IFI27: variants seen among roughly 807,000 people sequenced by gnomAD.
IFI27 encodes interferon alpha inducible protein 27.
A neutral mutation model predicts 8.9 loss-of-function variants in IFI27; 3 were observed. The observed-to-expected ratio is 0.34, with a 90% CI of 0.15 to 0.87. The LOEUF (loss-of-function observed/expected upper bound fraction) is 0.87. IFI27 is among the 40% of genes least tolerant of loss of function. IFI27 has a pLI of 0.51. For missense variants in IFI27, 152 were observed against 157.7 expected (o/e 0.96, Z 0.19); for synonymous variants, 66 against 67.3 (o/e 0.98, Z 0.09).
At chr14:94,109,404 G>GGGCAAGGGAAAGGAAA (rs1555440639), upstream of IFI27, among the ~76,000 whole-genome samples, 4 of 146,154 alleles carry the variant, frequency 2.7e-5, no homozygotes, top group Non-Finnish European at 4.5e-5. Flanking sequence ...GCAAGGGCAA[G>GGGCAAGGGAAAGGAAA]GGAAAGGAAA....
upstream of IFI27, among the ~76,000 whole-genome samples, chr14:94,106,308 T>C (rs1887014219): frequency 6.6e-6 from 1 of 152,260 alleles, no homozygotes; most frequent in Non-Finnish European, 1.5e-5. Flanking sequence ...CATAGCACCC[T>C]GCTTTCAATT....
intron 2 of IFI27, chr14:94,113,307 GC>G (rs1349420087): frequency 1.3e-5 from 2 of 152,244 alleles, no homozygotes; most frequent in African/African-American, 4.8e-5. Context: ...TTTGAGACCA[GC>G]CTGGCCACCA....
chr14:94,111,135 G>T lies in IFI27; in HGVS notation c.-59+338G>T, dbSNP rs1326313387. On this transcript the variant is annotated intron_variant, in intron 1 of 4. Transcript: ENST00000621160. This position sits in a 1 kb window ranked among gnomAD's most constrained non-coding sequence, Gnocchi z 4.3. ...GCGGGGTGTTGCTTCCCTATGGAAAGCTTCTGACCTGGAGCAAATCACTGA... is the reference window on the plus strand; with the variant it reads ...GCGGGGTGTTGCTTCCCTATGGAAATCTTCTGACCTGGAGCAAATCACTGA... 6.6e-6 allele frequency among the ~76,000 whole-genome samples: 1 copy of T among 152,206 alleles called. No individual in the cohort carries two copies. The highest frequency in any genetic ancestry group is 2.4e-5 in the African/African-American group (1 of 41,446).
intron 2 of IFI27, 101 bp from the exon 3 acceptor site, chr14:94,114,750 C>G (rs1313152152): frequency 7.7e-7 from 1 of 1,298,390 alleles, no homozygotes; most frequent in Non-Finnish European, 1.1e-6. Context: ...TGGCTCCCAA[C>G]CTGGGGCAGC....
At position 94,116,327 on chromosome 14, in the gene IFI27, G is replaced by T. The variant is rs767555373; in HGVS notation, c.284-115G>T. On this transcript the variant is annotated intron_variant, in intron 4 of 4. Transcript: ENST00000621160. This position sits in a 1 kb window ranked among gnomAD's most constrained non-coding sequence, Gnocchi z 4.3. ...GAAACAGAGAGGGGAACTGGGTGGG[G>T]TCTGTAAGCCTCAGCCCCTGCTGAG... 15 of 733,342 alleles carry T rather than the reference G, an allele frequency of 2.0e-5. No homozygotes were observed. The African/African-American group carries it at 2.6e-4, about 13-fold the overall frequency. The allele number at this position is 733,342 out of a possible 1,614,324, so 45.4% of individuals were successfully genotyped here.
Position 94,116,424 on chromosome 14 carries a change from C to T in IFI27, c.284-18C>T. 6.3e-7 allele frequency: 1 copy of T among 1,588,376 alleles called. No homozygotes were observed. The highest frequency in any genetic ancestry group is 1.3e-5 in the African/African-American group (1 of 74,556). ...CGACAGGCATGTCCCACTCTGTCCACCCTCTGCTTCTTCCCAGGAGCAACT... is the reference window on the plus strand; with the variant it reads ...CGACAGGCATGTCCCACTCTGTCCATCCTCTGCTTCTTCCCAGGAGCAACT... On this transcript the variant is annotated intron_variant, in intron 4 of 4. Coordinates refer to ENST00000621160, the Ensembl canonical transcript of IFI27. This position sits in a 1 kb window ranked among gnomAD's most constrained non-coding sequence, Gnocchi z 4.3.
upstream of IFI27, among the ~76,000 whole-genome samples, chr14:94,109,156 A>G (rs1887063413): frequency 6.6e-6 from 1 of 152,046 alleles, no homozygotes; most frequent in Middle Eastern, 3.4e-3. Context: ...TTAGCCGGGC[A>G]TGGTGGCAGT....
intron 2 of IFI27, 119 bp from the exon 3 acceptor site, chr14:94,114,732 C>A: frequency 1.0e-6 from 1 of 973,702 alleles, no homozygotes; most frequent in Non-Finnish European, 1.6e-6. Context: ...AGGAGTCATC[C>A]CTTCTTGTGG....
chr14:94,110,367 C>T (rs1003530787), upstream of IFI27, among the ~76,000 whole-genome samples: 7 of 152,232 alleles, frequency 4.6e-5, no homozygotes, highest in East Asian at 1.9e-4. Context: ...TTTTGAAAAA[C>T]GGAACATCTG....
rs894140907 is a variant in IFI27, at chr14:94,114,597, C to A, written c.92-254C>A. On this transcript the variant is annotated intron_variant, in intron 2 of 4. Transcript: ENST00000621160. ...ATAACATCTGATTCCCCCGATCAAC[C>A]AACCAATCAACTAGGTCAGGGCCAC... is the stretch of plus-strand genomic sequence containing the variant. 5 of 523,794 alleles carry A rather than the reference C, an allele frequency of 9.5e-6. No homozygotes were observed. The Admixed American group carries it at 1.3e-4, about 13-fold the overall frequency. The allele number at this position is 523,794 out of a possible 1,614,324, so 32.4% of individuals were successfully genotyped here.
At chr14:94,106,029 G>A (rs954766489), upstream of IFI27, 3 of 152,240 alleles carry the variant, frequency 2.0e-5, no homozygotes, top group South Asian at 2.1e-4. Flanking sequence ...CACAGTTCTA[G>A]AAGCTGGGAA....
At chr14:94,114,607 A>C in intron 2 of IFI27, 1 of 532,472 alleles carries the variant, frequency 1.9e-6, no homozygotes, top group Non-Finnish European at 3.4e-6. Flanking sequence ...CAACCAATCA[A>C]CTAGGTCAGG....
At chr14:94,115,213 T>A in intron 3 of IFI27, 1 of 627,898 alleles carries the variant, frequency 1.6e-6, no homozygotes, top group Non-Finnish European at 3.0e-6. Flanking sequence ...AAAAGGCTGG[T>A]AATGCCCATT....
chr14:94,111,865 G>A lies in IFI27; in HGVS notation c.91+92G>A, dbSNP rs1887204986. ...CCCGGGACCCGTGGGAGAGAAAATG[G>A]GGGACACCCGCAGCCTTGCTGCCCT... On this transcript the variant is annotated intron_variant, in intron 2 of 4. Transcript: ENST00000621160. The surrounding 1 kb of genome is among the most constrained non-coding windows in gnomAD (Gnocchi z 4.3). 1.0e-6 allele frequency: 1 copy of A among 967,988 alleles called. No individual in the cohort carries two copies. Among genetic ancestry groups the A allele is most frequent in the Non-Finnish European group, 1.7e-6 (1 of 597,904 alleles). The allele number at this position is 967,988 out of a possible 1,614,324, so 60.0% of individuals were successfully genotyped here. A position where few individuals can be genotyped will look rare whatever the true frequency, so the allele number is the denominator to read the frequency against.
upstream of IFI27, among the ~76,000 whole-genome samples, chr14:94,108,163 T>C (rs1441593491): frequency 6.6e-6 from 1 of 152,236 alleles, no homozygotes; most frequent in Non-Finnish European, 1.5e-5. Flanking sequence ...CCAAAGGACA[T>C]GAACTCATCT....
rs1437499043 is a variant in IFI27 at position 94,116,067 on chromosome 14, C to G, written c.283+125C>G. Reference sequence around the variant, plus strand: ...GTTCCTCTGTCTCTCTCTACACATTCTCTCAGGGTTTCTCTGAGGGAGATG... The same window carrying G: ...GTTCCTCTGTCTCTCTCTACACATTGTCTCAGGGTTTCTCTGAGGGAGATG... On this transcript the variant is annotated intron_variant, in intron 4 of 4. Coordinates refer to ENST00000621160, the Ensembl canonical transcript of IFI27. This position sits in a 1 kb window ranked among gnomAD's most constrained non-coding sequence, Gnocchi z 4.3. 1 of 1,055,188 alleles carries G rather than the reference C, an allele frequency of 9.5e-7. No individual in the cohort carries two copies. The highest frequency in any genetic ancestry group is 1.6e-5 in the African/African-American group (1 of 63,970). 65.4% of individuals were successfully genotyped at this position (1,055,188 alleles called of 1,614,324 possible). A position where few individuals can be genotyped will look rare whatever the true frequency, so the allele number is the denominator to read the frequency against.
rs753591737 is a variant in IFI27, at chr14:94,116,547, C to A, written c.*20C>A. 2 of 1,593,764 alleles carry A rather than the reference C, an allele frequency of 1.3e-6. No individual in the cohort carries two copies. The highest frequency in any genetic ancestry group is 2.7e-5 in the African/African-American group (2 of 74,748). On this transcript the variant is annotated 3_prime_UTR_variant, in exon 5 of 5. Coordinates refer to ENST00000621160, the Ensembl canonical transcript of IFI27. The surrounding 1 kb of genome is among the most constrained non-coding windows in gnomAD (Gnocchi z 4.3). Reference sequence around the variant, plus strand: ...TACTAGCTCCCTGCCCCTCGCCCTGCAGAGAAGAGAACCATGCCAGGGGAG... The same window carrying A: ...TACTAGCTCCCTGCCCCTCGCCCTGAAGAGAAGAGAACCATGCCAGGGGAG...
upstream of IFI27, among the ~76,000 whole-genome samples, chr14:94,108,093 A>C (rs780460077): frequency 2.0e-5 from 3 of 151,812 alleles, no homozygotes; most frequent in Admixed American, 6.6e-5. Context: ...GTGGTGTTTG[A>C]TTTTCTGTAC....
chr14:94,108,699 A>G (rs190132500), upstream of IFI27, among the ~76,000 whole-genome samples: 10 of 152,230 alleles, frequency 6.6e-5, no homozygotes, highest in East Asian at 1.9e-3. Context: ...GATCGCCATC[A>G]GTGTGGCTTA....
Sources: allele counts gnomAD v4.1 joint callset (sites outside exome capture counted in the v4.1 genomes callset), GRCh38; gene constraint gnomAD v4.1.1; non-coding constraint Gnocchi (gnomAD v3.1); transcripts MANE v1.5; gene names NCBI Gene and HGNC (gene_info 2026-07-23, HGNC 2026-07-21).